Variants in PCDH11X observed in about 807,000 individuals in gnomAD.
PCDH11X encodes the protein protocadherin-11 X-linked.
Under a neutral mutation model 53.3 loss-of-function variants are expected in PCDH11X, and 18 were observed. The observed-to-expected ratio is 0.34, with a 90% CI of 0.23 to 0.50. The LOEUF (loss-of-function observed/expected upper bound fraction) is 0.50. Ranked by LOEUF, PCDH11X falls within the 20% of genes least tolerant of loss-of-function variation. The pLI is 0.98. For synonymous variants in PCDH11X, 279 were observed against 393.3 expected (o/e 0.71, Z 3.44); for missense variants, 570 against 1,032.4 (o/e 0.55, Z 6.14).
chrX:91,982,223 A>G (rs1168114936), intron 6 of PCDH11X, among the ~76,000 whole-genome samples: 2 of 109,319 alleles, frequency 1.8e-5, no homozygotes, highest in Admixed American at 9.8e-5. Context: ...AGCTCTGTCT[A>G]AAAGAGTCCC....
At chrX:91,910,700 A>G (rs1162348134) in intron 6 of PCDH11X, among the ~76,000 whole-genome samples, 1 of 111,698 alleles carries the variant, frequency 9.0e-6, no homozygotes, top group Non-Finnish European at 1.9e-5. Context: ...AAAGATTTTT[A>G]TATCAGATCA....
chrX:92,069,813 C>T (rs773877474), intron 6 of PCDH11X, among the ~76,000 whole-genome samples: 1 of 111,411 alleles, frequency 9.0e-6, no homozygotes, highest in Admixed American at 9.6e-5. Flanking sequence ...CCGCAAGTAG[C>T]TGGGATTACA....
chrX:92,232,015 AG>A (rs1158876889), intron 7 of PCDH11X, among the ~76,000 whole-genome samples: 1 of 111,349 alleles, frequency 9.0e-6, no homozygotes, highest in Admixed American at 9.6e-5. Flanking sequence ...TTCGGAGGGA[AG>A]GGCCCATATA....
chrX:92,366,505 G>C (rs1404256206), intron 8 of PCDH11X, among the ~76,000 whole-genome samples: 1 of 105,492 alleles, frequency 9.5e-6, no homozygotes, highest in Non-Finnish European at 1.9e-5. Flanking sequence ...GTTCTGGTCT[G>C]ATCTTAGTTA....
Position 92,174,965 on chromosome X carries a change from C to T in PCDH11X, c.3034-26410C>T, listed in dbSNP as rs1198050182. Among the ~76,000 whole-genome samples the T allele has an allele frequency of 2.7e-5, 3 of 111,235 alleles. No individual in the cohort carries two copies. The Admixed American group carries it at 2.9e-4, about 11-fold the overall frequency. The stretch of plus-strand genomic sequence containing the variant: ...AAGAAGCTTAGTTCCAGCATAAAAG[C>T]ATATATAATTTACAATTTTTTTTTT... On this transcript the variant is annotated intron_variant, in intron 6 of 10. Transcript: ENST00000682573.
At chrX:92,578,879 C>G (rs757561973) in intron 10 of PCDH11X, among the ~76,000 whole-genome samples, 1 of 109,978 alleles carries the variant, frequency 9.1e-6, no homozygotes, top group African/African-American at 3.3e-5. Context: ...TGTAGTGGAT[C>G]ATAATGGTGC....
At chrX:92,043,262 GT>G (rs200358972) in intron 6 of PCDH11X, among the ~76,000 whole-genome samples, 8,970 of 107,847 alleles carry the variant, frequency 0.083, 555 homozygotes, top group East Asian at 0.37. Flanking sequence ...AAATTACATT[GT>G]AATTTCTGCA....
intron 5 of PCDH11X, among the ~76,000 whole-genome samples, chrX:91,873,867 C>A (rs1939452179): frequency 9.0e-6 from 1 of 110,835 alleles, no homozygotes; most frequent in South Asian, 3.8e-4. Flanking sequence ...TTACAATTTC[C>A]CCATATAGCT....
At chrX:92,491,535 A>T (rs1365613942) in intron 10 of PCDH11X, among the ~76,000 whole-genome samples, 2 of 110,885 alleles carry the variant, frequency 1.8e-5, no homozygotes, top group Non-Finnish European at 3.8e-5. Context: ...TCAGACAAAA[A>T]CATTAACCTA....
chrX:92,378,717 G>A (rs2754859), intron 8 of PCDH11X, among the ~76,000 whole-genome samples: 48,185 of 110,386 alleles, frequency 0.44, 7,860 homozygotes, highest in Non-Finnish European at 0.49. Context: ...TCTTTTCACC[G>A]TGTACTCACA....
intron 6 of PCDH11X, among the ~76,000 whole-genome samples, chrX:92,140,880 A>G (rs1257548364): frequency 9.0e-6 from 1 of 111,718 alleles, no homozygotes; most frequent in Non-Finnish European, 1.9e-5. Context: ...ATGAAGACAT[A>G]CTAATAAATA....
At chrX:92,277,020 T>A (rs984510576) in intron 8 of PCDH11X, among the ~76,000 whole-genome samples, 1 of 110,940 alleles carries the variant, frequency 9.0e-6, no homozygotes, top group African/African-American at 3.3e-5. Context: ...AACTGTAAGC[T>A]GGACCAGGTG....
intron 6 of PCDH11X, among the ~76,000 whole-genome samples, chrX:92,038,685 C>T (rs12392419): frequency 0.14 from 15,631 of 107,928 alleles, 1,007 homozygotes; most frequent in Admixed American, 0.28. Context: ...CCCACCCAAA[C>T]CTCATCTTGA....
At chrX:92,616,490 A>G (rs1485793679) in intron 10 of PCDH11X, among the ~76,000 whole-genome samples, 1 of 109,199 alleles carries the variant, frequency 9.2e-6, no homozygotes, top group African/African-American at 3.3e-5. Flanking sequence ...TGAAAAGTCT[A>G]TACTTTCACC....
At chrX:92,516,135 C>T (rs1273523742) in intron 10 of PCDH11X, among the ~76,000 whole-genome samples, 2 of 111,258 alleles carry the variant, frequency 1.8e-5, no homozygotes, top group Non-Finnish European at 3.8e-5. Context: ...GCTGTGTGAA[C>T]ATAATTCTGC....
chrX:92,097,385 G>A lies in PCDH11X; in HGVS notation c.3034-103990G>A, dbSNP rs766079983. Among the ~76,000 whole-genome samples the A allele has an allele frequency of 2.5e-3, 263 of 106,582 alleles. 2 individuals are homozygous for A. Among genetic ancestry groups the A allele is most frequent in the Admixed American group, 0.022 (212 of 9,691 alleles). 92.6% of individuals were successfully genotyped at this position (106,582 alleles called of 115,157 possible). A position where few individuals can be genotyped will look rare whatever the true frequency, so the allele number is the denominator to read the frequency against. On this transcript the variant is annotated intron_variant, in intron 6 of 10. Transcript: ENST00000682573. ...TGTTCACACCACTGCATTCCAGACT[G>A]GGAAACAGACTGAGCCCTTGTCTCA...
chrX:92,440,071 T>G, intron 9 of PCDH11X, among the ~76,000 whole-genome samples: 1 of 97,194 alleles, frequency 1.0e-5, no homozygotes, highest in African/African-American at 3.6e-5. Flanking sequence ...GTCAGCCTTG[T>G]TTTTAGTGCT....
intron 8 of PCDH11X, among the ~76,000 whole-genome samples, chrX:92,348,448 C>T (rs2069955672): frequency 9.1e-6 from 1 of 109,428 alleles, no homozygotes; most frequent in African/African-American, 3.3e-5. Context: ...AATCCAAGTT[C>T]GGGGATTGAG....
In PCDH11X at chrX:92,070,749, T is replaced by A. The variant is rs759626077; in HGVS notation, c.3034-130626T>A. Among the ~76,000 whole-genome samples, 5 of 111,224 alleles carry A rather than the reference T, an allele frequency of 4.5e-5. No individual in the cohort carries two copies. The South Asian group carries it at 1.5e-3, about 34-fold the overall frequency. On this transcript the variant is annotated intron_variant, in intron 6 of 10. Coordinates refer to ENST00000682573, the MANE Select transcript of PCDH11X (RefSeq NM_032968.5). ...TTTTCTAATATTATCCATTTGAATA[T>A]ACTTTCTACCCCTGTTTCTTTCTCT...
Sources: allele counts gnomAD v4.1 joint callset (sites outside exome capture counted in the v4.1 genomes callset), GRCh38; gene constraint gnomAD v4.1.1; transcripts MANE v1.5; gene names NCBI Gene and HGNC (gene_info 2026-07-23, HGNC 2026-07-21).